The following SETX variants were observed in gnomAD, a reference collection of about 807,000 sequenced individuals.
SETX encodes senataxin, also known as helicase senataxin.
SETX carries 90 observed loss-of-function variants against 227.2 expected under a neutral mutation model. The observed-to-expected ratio is 0.40, with a 90% CI of 0.33 to 0.47. SETX has a LOEUF of 0.47. Among genes scored for constraint, SETX ranks in the 20% least tolerant of loss-of-function variants. SETX has a pLI of 0.91. For synonymous variants in SETX, 1,210 were observed against 1,113.2 expected (o/e 1.09, Z -1.73); for missense variants, 3,052 against 3,181.5 (o/e 0.96, Z 0.98).
At position 132,326,513 on chromosome 9, in the gene SETX, CTG is replaced by C. The variant is rs2131426194; in HGVS notation, c.5083_5084del (p.Gln1695ValfsTer4). On this transcript the variant is annotated frameshift_variant, in exon 10 of 26. Transcript: ENST00000224140. LOFTEE classifies it high-confidence loss of function. ...SSPVNILLSS[Q>X]SVSDTFVKEV... ...CTTTAACGAAGGTGTCAGAGACAGA[CTG>C]TGATGACAAAAGAATGTTTACTGGA... The C allele has an allele frequency of 1.9e-6, 3 of 1,614,168 alleles. No homozygotes were observed. Among genetic ancestry groups the C allele is most frequent in the Non-Finnish European group, 2.5e-6 (3 of 1,180,028 alleles).
At chr9:132,339,774 G>C (rs1471456817) in intron 5 of SETX, among the ~76,000 whole-genome samples, 1 of 151,922 alleles carries the variant, frequency 6.6e-6, no homozygotes, top group Non-Finnish European at 1.5e-5. Flanking sequence ...CACCACACCT[G>C]CCTAATTTTT....
rs77984885 is a variant in SETX, at chr9:132,328,588, T to C, written c.3010A>G (p.Asn1004Asp). ...TGTCCACGGGAGGTATCTCCAACAT[T>C]ATTTTGGTTAGCTGTGAAACATCTT... ...DKRCFTANQN[N>D]VGDTSRGQVI... Residue 1004 changes from asparagine to aspartate, a missense_variant, in exon 10 of 26, where the codon AAT becomes GAT. Transcript: ENST00000224140. 1.4e-4 allele frequency: 229 copies of C among 1,613,872 alleles called. No homozygotes were observed. The African/African-American group carries it at 2.7e-3, about 19-fold the overall frequency.
rs181033011 is a variant in SETX at position 132,278,499 on chromosome 9, G to C, written c.6655-242C>G. Among the ~76,000 whole-genome samples, 578 of 128,658 alleles carry C rather than the reference G, an allele frequency of 4.5e-3. 17 individuals are homozygous for C. In the Admixed American group the frequency reaches 0.048, roughly 11 times the overall value. The allele number at this position is 128,658 out of a possible 152,430, so 84.4% of individuals were successfully genotyped here. On this transcript the variant is annotated intron_variant, in intron 20 of 25. Transcript: ENST00000224140. ...AGACACAGTCTCGCTCTGTCACCCAGGCTGGAGTGCAGTGGCGTGATCTCA... is the reference window on the plus strand; with the variant it reads ...AGACACAGTCTCGCTCTGTCACCCACGCTGGAGTGCAGTGGCGTGATCTCA...
At chr9:132,279,529 TG>T (rs1287463647) in intron 20 of SETX, among the ~76,000 whole-genome samples, 1 of 152,254 alleles carries the variant, frequency 6.6e-6, no homozygotes, top group African/African-American at 2.4e-5. Flanking sequence ...ATACTGGCAC[TG>T]AAGACGTGCA....
rs534898209 is a variant in SETX, at chr9:132,271,894, T to C, written c.7101-86A>G. ...TTTATAAACTAGTTTTTTGGTTTTT[T>C]TTTTTTGAGACGGAGTCTCACTCTG... is the stretch of plus-strand genomic sequence containing the variant. On this transcript the variant is annotated intron_variant, in intron 23 of 25. Transcript: ENST00000224140. 1.4e-5 allele frequency: 17 copies of C among 1,240,250 alleles called. No individual in the cohort carries two copies. The African/African-American group carries it at 2.0e-4, about 14-fold the overall frequency. 76.8% of individuals were successfully genotyped at this position (1,240,250 alleles called of 1,614,324 possible). A position where few individuals can be genotyped will look rare whatever the true frequency, so the allele number is the denominator to read the frequency against.
At chr9:132,307,444 T>C (rs536554651) in intron 11 of SETX, among the ~76,000 whole-genome samples, 5 of 152,222 alleles carry the variant, frequency 3.3e-5, no homozygotes, top group African/African-American at 1.2e-4. Flanking sequence ...CATGCCCAGA[T>C]TGGTGTTGAA....
intron 11 of SETX, among the ~76,000 whole-genome samples, chr9:132,309,255 G>T (rs1398487900): frequency 1.3e-5 from 2 of 152,154 alleles, no homozygotes; most frequent in African/African-American, 4.8e-5. Context: ...GTAGGCAAAT[G>T]ATCTCAAGAA....
Position 132,328,246 on chromosome 9 carries a change from T to C in SETX, c.3352A>G (p.Thr1118Ala), listed in dbSNP as rs775836874. The C allele has an allele frequency of 3.7e-6, 6 of 1,614,200 alleles. No homozygotes were observed. The highest frequency in any genetic ancestry group is 1.1e-5 in the South Asian group (1 of 91,078). Residue 1118 changes from threonine to alanine, a missense_variant, in exon 10 of 26, where the codon ACA becomes GCA. Thr to Ala is a moderately conservative substitution (Grantham distance 58, BLOSUM62 0). Coordinates refer to ENST00000224140, the MANE Select transcript of SETX (RefSeq NM_015046.7). ...TAATCTGTACAACCCTGACCATTTG[T>C]AGTATTGGCTATAGGAGCCAAACAT... ...KKCLAPIANTTNGQGCTDYVS... is the reference protein window; with the variant it reads ...KKCLAPIANTANGQGCTDYVS...
At chr9:132,296,374 G>GC (rs1031765135) in intron 14 of SETX, among the ~76,000 whole-genome samples, 23 of 152,098 alleles carry the variant, frequency 1.5e-4, no homozygotes, top group African/African-American at 5.3e-4. Flanking sequence ...CCAACATGGC[G>GC]AAACCCCATC....
chr9:132,298,257 C>T lies in SETX; in HGVS notation c.5604G>A (p.Pro1868=), dbSNP rs373607369. ...AATTCACAAGTTCGTTTAAATTGGC[C>T]GGAAAGTTCTCTTGAGTCTGGATGG... ...YLSIQTQENF[P]ANLNELVNCI... The change falls in exon 13 of 26, where the codon CCG becomes CCA. Residue 1868 remains proline, a synonymous_variant. Transcript: ENST00000224140. 1.1e-5 allele frequency: 18 copies of T among 1,613,888 alleles called. No individual in the cohort carries two copies. The highest frequency in any genetic ancestry group is 5.5e-5 in the South Asian group (5 of 91,068).
At chr9:132,339,717 A>G (rs1046520632) in intron 5 of SETX, among the ~76,000 whole-genome samples, 2 of 152,048 alleles carry the variant, frequency 1.3e-5, no homozygotes, top group Non-Finnish European at 2.9e-5. Context: ...GGTTCAAGCA[A>G]TTCTCCTGCC....
At chr9:132,294,136 G>A (rs1361046685) in intron 15 of SETX, among the ~76,000 whole-genome samples, 4 of 152,118 alleles carry the variant, frequency 2.6e-5, no homozygotes, top group South Asian at 4.1e-4. Context: ...TTAAGCTCAC[G>A]CCACCAGGGA....
At chr9:132,277,369 C>G (rs1033209479) in intron 21 of SETX, among the ~76,000 whole-genome samples, 1 of 152,042 alleles carries the variant, frequency 6.6e-6, no homozygotes, top group Admixed American at 6.6e-5. Context: ...TAAAATATAA[C>G]AAGTATGATT....
chr9:132,308,227 T>G (rs746840421), intron 11 of SETX, among the ~76,000 whole-genome samples: 3 of 152,206 alleles, frequency 2.0e-5, no homozygotes, highest in Non-Finnish European at 4.4e-5. Flanking sequence ...CTGCTGCTGA[T>G]GGAACATACC....
At chr9:132,341,947 C>A (rs1490379881) in intron 5 of SETX, among the ~76,000 whole-genome samples, 3 of 152,134 alleles carry the variant, frequency 2.0e-5, no homozygotes, top group Non-Finnish European at 4.4e-5. Context: ...TAATTTCCTC[C>A]TTTTGCTTTT....
intron 22 of SETX, 131 bp from the exon 23 acceptor site, chr9:132,275,551 C>CTA: frequency 1.4e-6 from 1 of 715,262 alleles, no homozygotes; most frequent in Non-Finnish European, 2.3e-6. Context: ...TTTTATTCAG[C>CTA]TAGCAGTGAC....
chr9:132,343,781 A>G (rs1848130588), intron 4 of SETX, among the ~76,000 whole-genome samples: 1 of 152,180 alleles, frequency 6.6e-6, no homozygotes, highest in Non-Finnish European at 1.5e-5. Flanking sequence ...CATCAGGCTT[A>G]TATACTTTTA....
At chr9:132,336,175 G>A (rs886856510) in intron 6 of SETX, 121 bp downstream of exon 6, 18 of 805,210 alleles carry the variant, frequency 2.2e-5, no homozygotes, top group Non-Finnish European at 3.6e-5. Context: ...CCTGGGAGGT[G>A]GAGCTTGCGG....
At position 132,349,129 on chromosome 9, in the gene SETX, A is replaced by C. The variant is rs957016736; in HGVS notation, c.177+123T>G. 1.3e-5 allele frequency: 14 copies of C among 1,051,062 alleles called. 1 individual carries two copies. Among genetic ancestry groups the C allele is most frequent in the Non-Finnish European group, 1.4e-5 (10 of 715,606 alleles). 65.1% of individuals were successfully genotyped at this position (1,051,062 alleles called of 1,614,324 possible). On this transcript the variant is annotated intron_variant, in intron 3 of 25. Coordinates refer to ENST00000224140, the MANE Select transcript of SETX (RefSeq NM_015046.7). ...AACAACAAAAACAAAACAAAAACAA[A>C]AAAAAAAACCCACAAAGTTGAAATC...
Sources: allele counts gnomAD v4.1 joint callset (sites outside exome capture counted in the v4.1 genomes callset), GRCh38; gene constraint gnomAD v4.1.1; transcripts MANE v1.5; gene names NCBI Gene and HGNC (gene_info 2026-07-23, HGNC 2026-07-21).